The following SLC24A2 variants were observed in gnomAD, a reference collection of about 807,000 sequenced individuals.
The protein encoded by SLC24A2 is sodium/potassium/calcium exchanger 2.
In SLC24A2, 36 loss-of-function variants were observed where a neutral mutation model predicts 62.0. The ratio of observed to expected loss-of-function variants is 0.58; its 90% CI spans 0.44 to 0.77. SLC24A2 has a LOEUF of 0.77. Ranked by LOEUF, SLC24A2 falls within the 30% of genes least tolerant of loss-of-function variation. SLC24A2 has a pLI of 0.00. For synonymous variants in SLC24A2, 358 were observed against 294.0 expected (o/e 1.22, Z -2.23); for missense variants, 846 against 817.9 (o/e 1.03, Z -0.42).
At chr9:20,242,148 G>GC in the SLC24A2 span, among the ~76,000 whole-genome samples, 1 of 151,970 alleles carries the variant, frequency 6.6e-6, no homozygotes, top group South Asian at 2.1e-4. Flanking sequence ...TCTTTTTCCT[G>GC]CCCCCCACAG....
the SLC24A2 span, among the ~76,000 whole-genome samples, chr9:20,287,390 C>T: frequency 6.6e-6 from 1 of 152,148 alleles, no homozygotes; most frequent in Admixed American, 6.5e-5. Context: ...AGAGGTGTGT[C>T]TCTCCTCACT....
At position 19,510,026 on chromosome 9, in the gene SLC24A2, T is replaced by G. The variant is rs1438360515; in HGVS notation, c.*6127A>C. ...TTCATATTTAAAATAAAAATATTGA[T>G]TCCTCTTGATAAATTAGTGGGTAAG... On this transcript the variant is annotated 3_prime_UTR_variant, in exon 11 of 11. Coordinates refer to ENST00000341998, the MANE Select transcript of SLC24A2 (RefSeq NM_020344.4). 6.6e-6 allele frequency: 1 copy of G among 152,200 alleles called. No individual in the cohort carries two copies. The highest frequency in any genetic ancestry group is 1.5e-5 in the Non-Finnish European group (1 of 68,040). 9.4% of individuals were successfully genotyped at this position (152,200 alleles called of 1,614,324 possible).
chr9:19,812,907 A>G, the SLC24A2 span, among the ~76,000 whole-genome samples: 1 of 152,174 alleles, frequency 6.6e-6, no homozygotes, highest in Admixed American at 6.5e-5. Flanking sequence ...AGGGCTTTCA[A>G]CGAAGAGCCT....
chr9:19,765,353 T>C (rs1048899624), intron 2 of SLC24A2, among the ~76,000 whole-genome samples: 3 of 152,176 alleles, frequency 2.0e-5, no homozygotes, highest in African/African-American at 7.2e-5. Flanking sequence ...TGCTAACTGG[T>C]TATTTTGCCC....
the SLC24A2 span, among the ~76,000 whole-genome samples, chr9:20,042,836 G>T: frequency 6.6e-5 from 10 of 152,070 alleles, no homozygotes; most frequent in South Asian, 4.2e-4. Context: ...CTGTTGTGGT[G>T]GTCTGTGACC....
At chr9:20,094,641 T>C in the SLC24A2 span, among the ~76,000 whole-genome samples, 1 of 152,164 alleles carries the variant, frequency 6.6e-6, no homozygotes, top group Non-Finnish European at 1.5e-5. Flanking sequence ...TTTTGAACAG[T>C]TCTAGTTTCA....
rs58241037 is a variant in SLC24A2, at chr9:19,762,793, C to CTTTTT, written c.930+23139_930+23143dup. On this transcript the variant is annotated intron_variant, in intron 2 of 10. Coordinates refer to ENST00000341998, the MANE Select transcript of SLC24A2 (RefSeq NM_020344.4). ...CTTAGGATTGTCTTGGCTATATGTG[C>CTTTTT]TTTTTTTTTTTTTTTTTTGGTTCCA... is the stretch of plus-strand genomic sequence containing the variant. Among the ~76,000 whole-genome samples the CTTTTT allele has an allele frequency of 9.3e-4, 95 of 102,392 alleles. 6 individuals carry two copies. The highest frequency in any genetic ancestry group is 3.1e-3 in the African/African-American group (84 of 27,382). 67.2% of individuals were successfully genotyped at this position (102,392 alleles called of 152,430 possible).
intron 4 of SLC24A2, among the ~76,000 whole-genome samples, chr9:19,619,008 G>A (rs900009521): frequency 6.6e-6 from 1 of 152,184 alleles, no homozygotes; most frequent in African/African-American, 2.4e-5. Context: ...ACTGGGAAGT[G>A]AGCCAGGCTT....
chr9:19,553,747 C>A (rs1465332559), intron 7 of SLC24A2, among the ~76,000 whole-genome samples: 2 of 152,222 alleles, frequency 1.3e-5, no homozygotes, highest in Admixed American at 1.3e-4. Flanking sequence ...GTGCAAAGCA[C>A]TGCATTTAAT....
rs71496823 is a variant in SLC24A2 at position 19,525,765 on chromosome 9, G to GTTTTTT, written c.1569+2278_1569+2283dup. Among the ~76,000 whole-genome samples the GTTTTTT allele has an allele frequency of 1.8e-4, 18 of 99,142 alleles. No homozygotes were observed. In the South Asian group the frequency reaches 1.9e-3, roughly 10 times the overall value. The allele number at this position is 99,142 out of a possible 152,430, so 65.0% of individuals were successfully genotyped here. The stretch of plus-strand genomic sequence containing the variant: ...CACATCCTTATCAACACATGCTACT[G>GTTTTTT]TTTTTTTTTTTTTTTTTTTTTTTAT... On this transcript the variant is annotated intron_variant, in intron 9 of 10. Coordinates refer to ENST00000341998, the MANE Select transcript of SLC24A2 (RefSeq NM_020344.4).
At chr9:19,701,354 C>A (rs1191813964) in intron 2 of SLC24A2, among the ~76,000 whole-genome samples, 1 of 152,172 alleles carries the variant, frequency 6.6e-6, no homozygotes, top group Non-Finnish European at 1.5e-5. Context: ...CAGCGTCTAC[C>A]CACCTTTAGT....
intron 2 of SLC24A2, among the ~76,000 whole-genome samples, chr9:19,653,773 C>A (rs1818866122): frequency 6.6e-6 from 1 of 152,118 alleles, no homozygotes; most frequent in South Asian, 2.1e-4. Context: ...AATAAACATT[C>A]CAATGTGACA....
the SLC24A2 span, among the ~76,000 whole-genome samples, chr9:19,894,195 G>C: frequency 6.6e-6 from 1 of 152,196 alleles, no homozygotes; most frequent in African/African-American, 2.4e-5. Flanking sequence ...ATGTGGTCCA[G>C]AGACTAGAAC....
At chr9:19,850,894 G>A in the SLC24A2 span, among the ~76,000 whole-genome samples, 1 of 131,312 alleles carries the variant, frequency 7.6e-6, no homozygotes, top group East Asian at 2.3e-4. Context: ...TCCAGTTTTT[G>A]GCTATTATGA....
the SLC24A2 span, among the ~76,000 whole-genome samples, chr9:19,823,393 T>C: frequency 2.0e-5 from 3 of 152,094 alleles, no homozygotes; most frequent in Non-Finnish European, 4.4e-5. Flanking sequence ...CCTTTACTTC[T>C]AAATATTTCA....
chr9:20,021,749 C>T, the SLC24A2 span, among the ~76,000 whole-genome samples: 3 of 152,070 alleles, frequency 2.0e-5, no homozygotes, highest in Non-Finnish European at 4.4e-5. Context: ...TGTTGGGCTA[C>T]ACCTAATAAT....
chr9:20,076,085 C>G, the SLC24A2 span, among the ~76,000 whole-genome samples: 189 of 152,162 alleles, frequency 1.2e-3, 2 homozygotes, highest in East Asian at 0.019. Flanking sequence ...CGTACAGATG[C>G]AATCATTCTT....
chr9:19,708,539 T>A (rs1020040762), intron 2 of SLC24A2, among the ~76,000 whole-genome samples: 10 of 152,194 alleles, frequency 6.6e-5, no homozygotes, highest in Non-Finnish European at 1.5e-4. Flanking sequence ...AACAGCATGG[T>A]ACTGGTACCA....
chr9:19,691,827 G>C (rs1219265805), intron 2 of SLC24A2, among the ~76,000 whole-genome samples: 2 of 152,122 alleles, frequency 1.3e-5, no homozygotes, highest in African/African-American at 4.8e-5. Flanking sequence ...ACAAGGATGA[G>C]GATAAAAGTT....
Sources: allele counts gnomAD v4.1 joint callset (sites outside exome capture counted in the v4.1 genomes callset), GRCh38; gene constraint gnomAD v4.1.1; transcripts MANE v1.5; gene names NCBI Gene and HGNC (gene_info 2026-07-23, HGNC 2026-07-21).